The following FAM124A variants were observed in gnomAD, a reference collection of about 807,000 sequenced individuals.
FAM124A encodes family with sequence similarity 124 member A.
FAM124A carries 23 observed loss-of-function variants against 24.5 expected under a neutral mutation model. The ratio of observed to expected loss-of-function variants is 0.94; its 90% CI spans 0.68 to 1.33. FAM124A has a LOEUF of 1.33. FAM124A is among the 40% of genes most tolerant of loss of function. FAM124A has a pLI of 0.00. For synonymous variants in FAM124A, 287 were observed against 314.7 expected (o/e 0.91, Z 0.93); for missense variants, 623 against 722.8 (o/e 0.86, Z 1.58).
At chr13:51,253,470 G>T (rs15652) in intron 3 of FAM124A, 13 of 152,032 alleles carry the variant, frequency 8.6e-5, no homozygotes, top group African/African-American at 3.1e-4. Context: ...GCTAGCATTT[G>T]CTCTATAATC....
At chr13:51,263,610 G>A (rs547434496) in intron 3 of FAM124A, among the ~76,000 whole-genome samples, 3 of 152,352 alleles carry the variant, frequency 2.0e-5, no homozygotes, top group Middle Eastern at 3.4e-3. Context: ...GCCTGGGCAC[G>A]TGAAACCCTC....
intron 3 of FAM124A, among the ~76,000 whole-genome samples, chr13:51,265,587 T>A (rs1954777666): frequency 6.6e-6 from 1 of 152,020 alleles, no homozygotes; most frequent in South Asian, 2.1e-4. Context: ...TGGGATGAAA[T>A]GAACAAAATA....
intron 3 of FAM124A, among the ~76,000 whole-genome samples, chr13:51,258,000 G>A (rs984516229): frequency 1.3e-5 from 2 of 152,192 alleles, no homozygotes; most frequent in East Asian, 3.8e-4. Context: ...GCATCAGCAG[G>A]GTTGGTTCCT....
chr13:51,239,465 T>G (rs1954469629), intron 2 of FAM124A, among the ~76,000 whole-genome samples: 1 of 152,234 alleles, frequency 6.6e-6, no homozygotes, highest in Non-Finnish European at 1.5e-5. Flanking sequence ...ACAAACATCT[T>G]TATATGCCAG....
At chr13:51,239,572 G>T (rs1954470461) in intron 2 of FAM124A, among the ~76,000 whole-genome samples, 1 of 152,122 alleles carries the variant, frequency 6.6e-6, no homozygotes, top group Non-Finnish European at 1.5e-5. Context: ...TGGTCCTATA[G>T]GTTGTATTCA....
intron 3 of FAM124A, among the ~76,000 whole-genome samples, chr13:51,274,522 T>C (rs1411528186): frequency 6.6e-6 from 1 of 152,208 alleles, no homozygotes; most frequent in Non-Finnish European, 1.5e-5. Context: ...GATATTTTTT[T>C]ATTTGAAAAG....
intron 3 of FAM124A, among the ~76,000 whole-genome samples, chr13:51,267,890 C>T (rs190939422): frequency 2.6e-5 from 4 of 152,288 alleles, no homozygotes; most frequent in East Asian, 1.9e-4. Flanking sequence ...TAGCTGTAGT[C>T]GGTGTGTCAA....
chr13:51,233,833 C>T (rs1954406139), intron 2 of FAM124A, among the ~76,000 whole-genome samples: 1 of 152,156 alleles, frequency 6.6e-6, no homozygotes, highest in Admixed American at 6.5e-5. Flanking sequence ...AATAATGTTT[C>T]CCTACAAACT....
At chr13:51,225,204 G>A (rs1440006892) in intron 1 of FAM124A, 1 of 152,134 alleles carries the variant, frequency 6.6e-6, no homozygotes, top group Non-Finnish European at 1.5e-5. Flanking sequence ...TGTGTCTGAG[G>A]TGTTGCAAGA....
At chr13:51,280,380 G>T in intron 3 of FAM124A, 70 bp from the exon 4 acceptor site, 1 of 1,359,596 alleles carries the variant, frequency 7.4e-7, no homozygotes, top group Non-Finnish European at 1.0e-6. Context: ...CCAATGATTG[G>T]TAACTGTGTT....
rs1044618783 is a variant in FAM124A, at chr13:51,258,568, C to T, written c.834+6367C>T. 5.3e-5 allele frequency among the ~76,000 whole-genome samples: 8 copies of T among 152,168 alleles called. No individual in the cohort carries two copies. Among genetic ancestry groups the T allele is most frequent in the Non-Finnish European group, 1.2e-4 (8 of 68,038 alleles). On this transcript the variant is annotated intron_variant, in intron 3 of 3. Transcript: ENST00000322475. This position sits in a 1 kb window ranked among gnomAD's most constrained non-coding sequence, Gnocchi z 4.2. ...GCAATGGAGATGGCAGACATGCAAA[C>T]CAAGAAAGCTAGCAAAGCATTGCAG...
chr13:51,256,476 G>A (rs1015036106), intron 3 of FAM124A, among the ~76,000 whole-genome samples: 5 of 152,166 alleles, frequency 3.3e-5, no homozygotes, highest in African/African-American at 1.2e-4. Context: ...AGGCAGAGAG[G>A]CCTGGGACTG....
chr13:51,282,043 T>C lies in FAM124A; in HGVS notation c.*787T>C, dbSNP rs1231851498. 3 of 152,194 alleles carry C rather than the reference T, an allele frequency of 2.0e-5. No individual in the cohort carries two copies. The highest frequency in any genetic ancestry group is 4.8e-5 in the African/African-American group (2 of 41,442). 9.4% of individuals were successfully genotyped at this position (152,194 alleles called of 1,614,324 possible). ...AGACCACTCCACTACCTGAATTTAT[T>C]TGGATCACTGAGGAAGAGCATTTGT... On this transcript the variant is annotated 3_prime_UTR_variant, in exon 4 of 4. Coordinates refer to ENST00000322475, the MANE Select transcript of FAM124A (RefSeq NM_001242312.2).
intron 3 of FAM124A, among the ~76,000 whole-genome samples, chr13:51,270,292 A>G (rs1315838955): frequency 6.6e-6 from 1 of 152,164 alleles, no homozygotes; most frequent in Non-Finnish European, 1.5e-5. Context: ...ATTATTTACA[A>G]CGTACTTGCA....
At chr13:51,280,267 T>C (rs1014775021) in intron 3 of FAM124A, among the ~76,000 whole-genome samples, 183 bp from the exon 4 acceptor site, 1 of 152,182 alleles carries the variant, frequency 6.6e-6, no homozygotes, top group Non-Finnish European at 1.5e-5. Context: ...CTGAAAACTC[T>C]TTCTGGTGCT....
intron 1 of FAM124A, chr13:51,225,413 T>TATGTATTTCATGGACTCC (rs1223927137): frequency 6.6e-6 from 1 of 152,228 alleles, no homozygotes; most frequent in Non-Finnish European, 1.5e-5. Context: ...TCTAAGCCTT[T>TATGTATTTCATGGACTCC]ATGTATTTCA....
chr13:51,235,558 G>C (rs1954427453), intron 2 of FAM124A, among the ~76,000 whole-genome samples: 2 of 152,062 alleles, frequency 1.3e-5, no homozygotes, highest in Non-Finnish European at 2.9e-5. Context: ...AAGATATCTA[G>C]CCCCAGAATA....
chr13:51,241,961 A>T (rs1438744208), intron 2 of FAM124A, among the ~76,000 whole-genome samples: 1 of 152,200 alleles, frequency 6.6e-6, no homozygotes, highest in Non-Finnish European at 1.5e-5. Flanking sequence ...TTTTTAAGAT[A>T]AATCTTGACT....
At chr13:51,245,962 T>C (rs536184343) in intron 2 of FAM124A, among the ~76,000 whole-genome samples, 36 of 152,404 alleles carry the variant, frequency 2.4e-4, no homozygotes, top group Admixed American at 7.8e-4. Flanking sequence ...TAGTACACTT[T>C]CTGCATCATA....
Sources: gnomAD v4.1 joint callset for allele counts (sites outside exome capture counted in the v4.1 genomes callset) on GRCh38, gnomAD v4.1.1 for gene constraint, Gnocchi (gnomAD v3.1) non-coding constraint, MANE v1.5 for transcripts, NCBI Gene and HGNC (gene_info 2026-07-23, HGNC 2026-07-21) for gene names.